Variants in ELMO1 observed in about 807,000 individuals in gnomAD.
The protein encoded by ELMO1 is engulfment and cell motility protein 1.
In ELMO1, 26 loss-of-function variants were observed where a neutral mutation model predicts 98.9. That is an observed-to-expected ratio of 0.26 (90% CI 0.19 to 0.36). ELMO1 has a LOEUF of 0.36. ELMO1 is among the 10% of genes least tolerant of loss of function. ELMO1 has a pLI of 1.00. For synonymous variants in ELMO1, 346 were observed against 346.0 expected (o/e 1.00, Z 0.00); for missense variants, 627 against 935.2 (o/e 0.67, Z 4.30).
At chr7:37,037,034 A>G (rs1317628065) in intron 15 of ELMO1, among the ~76,000 whole-genome samples, 2 of 152,204 alleles carry the variant, frequency 1.3e-5, no homozygotes, top group African/African-American at 2.4e-5. Context: ...AAATAATGAG[A>G]AGGAAAGAGA....
intron 10 of ELMO1, among the ~76,000 whole-genome samples, chr7:37,221,630 G>A (rs965983351): frequency 6.6e-6 from 1 of 152,098 alleles, no homozygotes; most frequent in Non-Finnish European, 1.5e-5. Context: ...AAGAAATAAA[G>A]GATCTACAGA....
chr7:37,167,486 C>T (rs1789803439), intron 13 of ELMO1, among the ~76,000 whole-genome samples: 1 of 150,588 alleles, frequency 6.6e-6, no homozygotes, highest in African/African-American at 2.4e-5. Context: ...CCGGTTGTTC[C>T]TTTCCATGTT....
At chr7:37,420,068 T>C (rs1562680507) in intron 1 of ELMO1, among the ~76,000 whole-genome samples, 1 of 152,192 alleles carries the variant, frequency 6.6e-6, no homozygotes. Context: ...ACATACCTAA[T>C]ACAAATCACT....
At chr7:37,309,722 G>A (rs532388053) in intron 4 of ELMO1, among the ~76,000 whole-genome samples, 11 of 152,266 alleles carry the variant, frequency 7.2e-5, no homozygotes, top group South Asian at 2.1e-4. Context: ...GCAAAGGGGC[G>A]GGGACTGAAA....
chr7:37,238,368 C>T (rs1794587986), intron 7 of ELMO1, among the ~76,000 whole-genome samples: 1 of 152,110 alleles, frequency 6.6e-6, no homozygotes, highest in African/African-American at 2.4e-5. Flanking sequence ...CCAATGGTTG[C>T]TGTTAAAATA....
At chr7:37,377,898 G>T (rs1042599146) in intron 1 of ELMO1, among the ~76,000 whole-genome samples, 3 of 152,058 alleles carry the variant, frequency 2.0e-5, no homozygotes, top group African/African-American at 7.2e-5. Flanking sequence ...TTGTTAAATT[G>T]GTATATAAAT....
intron 19 of ELMO1, among the ~76,000 whole-genome samples, chr7:36,871,090 A>G (rs577852287): frequency 2.0e-5 from 3 of 152,360 alleles, no homozygotes; most frequent in African/African-American, 7.2e-5. Flanking sequence ...ACTAAACTCA[A>G]TTAAATAAAG....
Position 37,395,908 on chromosome 7 carries a change from G to GA in ELMO1, c.-74+52766dup, listed in dbSNP as rs533340614. 6.9e-4 allele frequency among the ~76,000 whole-genome samples: 105 copies of GA among 151,548 alleles called. 1 individual carries two copies. The highest frequency in any genetic ancestry group is 2.5e-3 in the Admixed American group (38 of 15,254). ...ACACTTTATTTTTGATTAACAGTGA[G>GA]AAAAAATGCAATAGTGTCATAGTTT... On this transcript the variant is annotated intron_variant, in intron 1 of 21. Coordinates refer to ENST00000310758, the MANE Select transcript of ELMO1 (RefSeq NM_014800.11).
At chr7:37,057,571 A>G (rs1463869469) in intron 15 of ELMO1, among the ~76,000 whole-genome samples, 1 of 152,198 alleles carries the variant, frequency 6.6e-6, no homozygotes, top group African/African-American at 2.4e-5. Flanking sequence ...CTTCATTCAG[A>G]TGTCCCCAAG....
At chr7:37,288,386 G>A (rs145655401) in intron 4 of ELMO1, among the ~76,000 whole-genome samples, 106 of 152,148 alleles carry the variant, frequency 7.0e-4, no homozygotes, top group Non-Finnish European at 1.2e-3. Flanking sequence ...CACCATGCCC[G>A]GCTCATTTTT....
intron 1 of ELMO1, among the ~76,000 whole-genome samples, chr7:37,442,177 C>T (rs1243319503): frequency 6.6e-6 from 1 of 152,148 alleles, no homozygotes; most frequent in African/African-American, 2.4e-5. Context: ...CACAGGACAG[C>T]CCTTACAACA....
rs58201492 is a variant in ELMO1 at position 37,372,788 on chromosome 7, T to C, written c.-73-30025A>G. ...GAAATTTTCCACTATATTTCTAGAT[T>C]AATACCTCACTCATTAGGGGATCTG... On this transcript the variant is annotated intron_variant, in intron 1 of 21. Transcript: ENST00000310758. Among the ~76,000 whole-genome samples the C allele has an allele frequency of 2.3e-3, 348 of 152,338 alleles. 1 individual carries two copies. The highest frequency in any genetic ancestry group is 7.5e-3 in the African/African-American group (312 of 41,574).
intron 7 of ELMO1, among the ~76,000 whole-genome samples, chr7:37,234,101 A>G (rs532000056): frequency 6.2e-4 from 94 of 152,362 alleles, no homozygotes; most frequent in Middle Eastern, 3.4e-3. Context: ...TATCATCATT[A>G]TAAGTATTAA....
intron 4 of ELMO1, among the ~76,000 whole-genome samples, chr7:37,302,160 T>A (rs1798384543): frequency 6.6e-6 from 1 of 152,160 alleles, no homozygotes; most frequent in Admixed American, 6.5e-5. Context: ...CCCCTTTTTT[T>A]AAAGACAAGA....
Position 37,188,998 on chromosome 7 carries a change from T to C in ELMO1, c.1086+22388A>G, listed in dbSNP as rs12667731. ...TGAATTATATTTATGTTATAAAATA[T>C]GCCCAATCCTGAACCAAGGAACTGT... is the stretch of plus-strand genomic sequence containing the variant. On this transcript the variant is annotated intron_variant, in intron 13 of 21. Transcript: ENST00000310758. Among the ~76,000 whole-genome samples, 156 of 152,344 alleles carry C rather than the reference T, an allele frequency of 1.0e-3. 2 individuals are homozygous for C. In the East Asian group the frequency reaches 0.028, roughly 27 times the overall value.
chr7:37,326,608 A>T (rs961181871), intron 2 of ELMO1, among the ~76,000 whole-genome samples: 1 of 152,130 alleles, frequency 6.6e-6, no homozygotes, highest in Non-Finnish European at 1.5e-5. Flanking sequence ...TTTCTTGACA[A>T]ATGATGATTC....
intron 16 of ELMO1, among the ~76,000 whole-genome samples, chr7:37,012,215 A>G (rs1027660006): frequency 6.6e-6 from 1 of 152,114 alleles, no homozygotes; most frequent in South Asian, 2.1e-4. Flanking sequence ...CCTTTTCCTG[A>G]TTTTCTTTCT....
intron 1 of ELMO1, among the ~76,000 whole-genome samples, chr7:37,391,236 C>T (rs1803064969): frequency 6.6e-6 from 1 of 152,186 alleles, no homozygotes; most frequent in Non-Finnish European, 1.5e-5. Context: ...CCTGCCTCAG[C>T]CTCCTGAGTA....
At chr7:37,103,613 C>A (rs1183634513) in intron 14 of ELMO1, among the ~76,000 whole-genome samples, 2 of 151,808 alleles carry the variant, frequency 1.3e-5, no homozygotes, top group Non-Finnish European at 2.9e-5. Flanking sequence ...CACAACGTGG[C>A]ACATGTATAC....
Sources: gnomAD v4.1 joint callset for allele counts (sites outside exome capture counted in the v4.1 genomes callset) on GRCh38, gnomAD v4.1.1 for gene constraint, MANE v1.5 for transcripts, NCBI Gene and HGNC (gene_info 2026-07-23, HGNC 2026-07-21) for gene names.